The following GALNT7 variants were observed in gnomAD, a reference collection of about 807,000 sequenced individuals.
GALNT7 encodes N-acetylgalactosaminyltransferase 7.
A neutral mutation model predicts 82.1 loss-of-function variants in GALNT7; 60 were observed. The observed-to-expected ratio is 0.73, with a 90% confidence interval of 0.59 to 0.91. The LOEUF is 0.91. Ranked by LOEUF, GALNT7 falls within the 40% of genes least tolerant of loss-of-function variation. The probability of loss-of-function intolerance (pLI) is 0.00; values close to 1 mark genes in which losing one functional copy is unlikely to be tolerated. For synonymous variants in GALNT7, 243 were observed against 275.1 expected, an observed-to-expected ratio of 0.88 and a Z score of 1.15; for missense variants, 660 against 804.2, an observed-to-expected ratio of 0.82 and a Z score of 2.17.
chr4:173,265,587 A>ATCTCTCTCTCTCTCTCTCTCTC (rs59676800), intron 2 of GALNT7, among the ~76,000 whole-genome samples: 2 of 117,966 alleles, frequency 1.7e-5, no homozygotes, highest in East Asian at 2.6e-4. Context: ...TGGCGTAAGC[A>ATCTCTCTCTCTCTCTCTCTCTC]TCTCTCTCTC....
At chr4:173,208,675 TCCAGCCCGTCTCTTC>T (rs1052923158) in intron 1 of GALNT7, among the ~76,000 whole-genome samples, 1 of 152,342 alleles carries the variant, frequency 6.6e-6, no homozygotes, top group Admixed American at 6.5e-5. Context: ...TTCCTGTCGT[TCCAGCCCGTCTCTTC>T]CCTGTTACAA....
chr4:173,294,462 T>G (rs1308492437), intron 3 of GALNT7, among the ~76,000 whole-genome samples: 1 of 152,104 alleles, frequency 6.6e-6, no homozygotes, highest in Non-Finnish European at 1.5e-5. Flanking sequence ...AGTAAAATAT[T>G]AAGTATACAG....
At chr4:173,194,792 C>T in intron 1 of GALNT7, among the ~76,000 whole-genome samples, 1 of 151,962 alleles carries the variant, frequency 6.6e-6, no homozygotes, top group East Asian at 1.9e-4. Flanking sequence ...CTCCCCGCTT[C>T]CCCCACCCCA....
intron 1 of GALNT7, among the ~76,000 whole-genome samples, chr4:173,200,773 C>G (rs17059204): frequency 0.034 from 5,116 of 152,268 alleles, 284 homozygotes; most frequent in African/African-American, 0.11. Context: ...ATCCTATCAT[C>G]CTGAAATCTT....
At chr4:173,253,754 G>A (rs562648370) in intron 2 of GALNT7, among the ~76,000 whole-genome samples, 13 of 152,258 alleles carry the variant, frequency 8.5e-5, no homozygotes, top group East Asian at 3.9e-4. Context: ...CCCAAAGCTC[G>A]TTTACCTGAA....
At chr4:173,301,134 CA>C (rs950601155) in intron 6 of GALNT7, among the ~76,000 whole-genome samples, 6 of 138,466 alleles carry the variant, frequency 4.3e-5, no homozygotes, top group Admixed American at 7.2e-5. Flanking sequence ...GACTATGTCT[CA>C]AAAAAAAAAG....
At chr4:173,225,843 A>G (rs556385955) in intron 1 of GALNT7, among the ~76,000 whole-genome samples, 1 of 152,284 alleles carries the variant, frequency 6.6e-6, no homozygotes, top group Non-Finnish European at 1.5e-5. Flanking sequence ...GGAAGGGAGG[A>G]GATGCAACCA....
At chr4:173,183,192 C>G (rs1732324931) in intron 1 of GALNT7, among the ~76,000 whole-genome samples, 1 of 151,618 alleles carries the variant, frequency 6.6e-6, no homozygotes, top group Admixed American at 6.6e-5. Flanking sequence ...AATTTCATTT[C>G]TAAAATTAGA....
At chr4:173,239,378 G>A (rs892821502) in intron 1 of GALNT7, among the ~76,000 whole-genome samples, 62 of 152,152 alleles carry the variant, frequency 4.1e-4, no homozygotes, top group Admixed American at 4.0e-3. Context: ...GAACAAACAT[G>A]CACTGAGTAC....
chr4:173,289,570 T>C (rs1327185973), intron 2 of GALNT7, among the ~76,000 whole-genome samples: 1 of 152,212 alleles, frequency 6.6e-6, no homozygotes, highest in Non-Finnish European at 1.5e-5. Context: ...ATTCCCCTTA[T>C]CTTATGCAGC....
intron 1 of GALNT7, among the ~76,000 whole-genome samples, chr4:173,233,771 T>C (rs1429350146): frequency 6.6e-6 from 1 of 152,182 alleles, no homozygotes; most frequent in Non-Finnish European, 1.5e-5. Flanking sequence ...ACCCCTTCTC[T>C]CACATGCTTT....
chr4:173,188,443 C>G (rs1389636843), intron 1 of GALNT7, among the ~76,000 whole-genome samples: 3 of 152,188 alleles, frequency 2.0e-5, no homozygotes. Flanking sequence ...GTATCACCCC[C>G]TCAGAGATTT....
At chr4:173,243,010 T>C (rs777515152) in intron 1 of GALNT7, among the ~76,000 whole-genome samples, 1 of 152,198 alleles carries the variant, frequency 6.6e-6, no homozygotes, top group Non-Finnish European at 1.5e-5. Context: ...CCAAGTAGTG[T>C]GCATGTTGTT....
intron 1 of GALNT7, among the ~76,000 whole-genome samples, chr4:173,243,768 A>C (rs1267617684): frequency 6.6e-6 from 1 of 152,192 alleles, no homozygotes; most frequent in East Asian, 1.9e-4. Flanking sequence ...TTAAAAGTAC[A>C]GTGCCGTGTA....
intron 2 of GALNT7, among the ~76,000 whole-genome samples, chr4:173,255,064 T>TA (rs1233748962): frequency 6.6e-6 from 1 of 152,236 alleles, no homozygotes; most frequent in Non-Finnish European, 1.5e-5. Context: ...GAAATTATTT[T>TA]AAAAAACAGG....
intron 1 of GALNT7, among the ~76,000 whole-genome samples, chr4:173,184,569 G>A (rs1732407297): frequency 6.8e-6 from 1 of 147,688 alleles, no homozygotes; most frequent in Non-Finnish European, 1.5e-5. Flanking sequence ...CCTCGGCTCG[G>A]CATCAGAGGG....
intron 1 of GALNT7, among the ~76,000 whole-genome samples, chr4:173,238,298 C>T (rs1734301790): frequency 6.6e-6 from 1 of 151,874 alleles, no homozygotes; most frequent in African/African-American, 2.4e-5. Context: ...AAAATATTGA[C>T]TTCTATTAAA....
chr4:173,306,803 T>C lies in GALNT7; in HGVS notation c.1389+2685T>C, dbSNP rs577432492. Among the ~76,000 whole-genome samples, 3 of 152,384 alleles carry C rather than the reference T, an allele frequency of 2.0e-5. No homozygotes were observed. The South Asian group carries it at 6.2e-4, about 32-fold the overall frequency. On this transcript the variant is annotated intron_variant, in intron 8 of 11. Transcript: ENST00000265000. The stretch of plus-strand genomic sequence containing the variant: ...TTATTTAGAATTATTTATCCAGGTC[T>C]ACTACTGGGAGATTATTGTGATCTT...
chr4:173,171,779 C>G (rs975214302), intron 1 of GALNT7, among the ~76,000 whole-genome samples: 1 of 152,252 alleles, frequency 6.6e-6, no homozygotes, highest in Admixed American at 6.5e-5. Flanking sequence ...AGGCATGGTA[C>G]TAGTTGTTAA....
Sources: allele counts gnomAD v4.1 joint callset (sites outside exome capture counted in the v4.1 genomes callset), GRCh38; gene constraint gnomAD v4.1.1; transcripts MANE v1.5; gene names NCBI Gene and HGNC (gene_info 2026-07-23, HGNC 2026-07-21).